The following OSBPL6 variants were observed in gnomAD, a reference collection of about 807,000 sequenced individuals.
OSBPL6 encodes oxysterol binding protein like 6, also known as oxysterol-binding protein-related protein 6.
OSBPL6 carries 49 observed loss-of-function variants against 125.8 expected under a neutral mutation model. That is an observed-to-expected ratio of 0.39 (90% CI 0.31 to 0.49). OSBPL6 has a LOEUF of 0.49. Among genes scored for constraint, OSBPL6 ranks in the 20% least tolerant of loss-of-function variants. The probability of loss-of-function intolerance (pLI) is 0.88; values close to 1 mark genes in which losing one functional copy is unlikely to be tolerated. For synonymous variants in OSBPL6, 394 were observed against 391.8 expected (o/e 1.01, Z -0.07); for missense variants, 986 against 1,135.4 (o/e 0.87, Z 1.89).
rs1057245299 is a variant in OSBPL6, at chr2:178,396,420, G to C, written c.*861G>C. 2.0e-5 allele frequency: 3 copies of C among 152,164 alleles called. No individual in the cohort carries two copies. The highest frequency in any genetic ancestry group is 4.4e-5 in the Non-Finnish European group (3 of 68,048). The allele number at this position is 152,164 out of a possible 1,614,324, so 9.4% of individuals were successfully genotyped here. ...TCCCTCTTCCACCTAACCTCACAGT[G>C]TGCCCTATTATTTGGAAAAATCTGT... is the stretch of plus-strand genomic sequence containing the variant. On this transcript the variant is annotated 3_prime_UTR_variant, in exon 25 of 25. Coordinates refer to ENST00000190611, the MANE Select transcript of OSBPL6 (RefSeq NM_032523.4).
At position 178,393,014 on chromosome 2, in the gene OSBPL6, C is replaced by A. The variant is rs144429692; in HGVS notation, c.2573+476C>A. Among the ~76,000 whole-genome samples, 106 of 152,224 alleles carry A rather than the reference C, an allele frequency of 7.0e-4. 2 individuals carry two copies. In the East Asian group the frequency reaches 0.018, roughly 25 times the overall value. On this transcript the variant is annotated intron_variant, in intron 23 of 24. Transcript: ENST00000190611. ...TTTCTATGCCAGGAAAAGCAGTATT[C>A]ATAGAATGATCATAACAGATTATCT...
intron 1 of OSBPL6, among the ~76,000 whole-genome samples, chr2:178,209,232 T>C (rs991172828): frequency 7.2e-5 from 11 of 152,122 alleles, no homozygotes; most frequent in Admixed American, 6.5e-4. Context: ...ATTATTTGGG[T>C]ATTAGACTTT....
intron 11 of OSBPL6, chr2:178,344,342 G>A (rs758980666): frequency 3.7e-6 from 6 of 1,614,084 alleles, no homozygotes; most frequent in Middle Eastern, 1.6e-4. Context: ...AGAGGCTAGC[G>A]GCAGCAGTGG....
chr2:178,238,465 C>A (rs948050593), intron 1 of OSBPL6, among the ~76,000 whole-genome samples: 1 of 151,954 alleles, frequency 6.6e-6, no homozygotes, highest in Non-Finnish European at 1.5e-5. Flanking sequence ...TTCAGATATG[C>A]CAAAGAGAAG....
chr2:178,355,052 C>A (rs1559285820), intron 12 of OSBPL6, among the ~76,000 whole-genome samples: 1 of 152,134 alleles, frequency 6.6e-6, no homozygotes, highest in East Asian at 1.9e-4. Flanking sequence ...AACAAAGACA[C>A]AACTTACCAG....
At chr2:178,291,572 A>G (rs971993224) in intron 2 of OSBPL6, among the ~76,000 whole-genome samples, 4 of 152,142 alleles carry the variant, frequency 2.6e-5, no homozygotes, top group Non-Finnish European at 5.9e-5. Context: ...TTGGTTTGTC[A>G]AGTGACCAAG....
chr2:178,280,591 T>C (rs1684059906), intron 1 of OSBPL6, among the ~76,000 whole-genome samples: 1 of 152,246 alleles, frequency 6.6e-6, no homozygotes, highest in Admixed American at 6.5e-5. Flanking sequence ...ACATTTCATA[T>C]GCATTGTGTG....
At chr2:178,306,773 C>A (rs1395523947) in intron 3 of OSBPL6, among the ~76,000 whole-genome samples, 1 of 152,162 alleles carries the variant, frequency 6.6e-6, no homozygotes, top group African/African-American at 2.4e-5. Context: ...TGTGAGAACC[C>A]AAACAATGTT....
intron 2 of OSBPL6, among the ~76,000 whole-genome samples, chr2:178,302,907 T>A (rs779068018): frequency 9.9e-5 from 15 of 152,222 alleles, no homozygotes; most frequent in Non-Finnish European, 1.9e-4. Context: ...GTTAGGTTGT[T>A]ACAACCTCAT....
rs1372890649 is a variant in OSBPL6, at chr2:178,400,953, G to T, written c.*5394G>T. 1 of 152,084 alleles carries T rather than the reference G, an allele frequency of 6.6e-6. No homozygotes were observed. The highest frequency in any genetic ancestry group is 1.5e-5 in the Non-Finnish European group (1 of 68,016). 9.4% of individuals were successfully genotyped at this position (152,084 alleles called of 1,614,324 possible). A position where few individuals can be genotyped will look rare whatever the true frequency, so the allele number is the denominator to read the frequency against. ...ATCCCATTAAGTCCTAGTTCTGGTA[G>T]CCCGGTACAAATTTTAGATTTTCCC... On this transcript the variant is annotated 3_prime_UTR_variant, in exon 25 of 25. Coordinates refer to ENST00000190611, the MANE Select transcript of OSBPL6 (RefSeq NM_032523.4).
chr2:178,296,264 T>C (rs1685740646), intron 2 of OSBPL6, among the ~76,000 whole-genome samples: 1 of 152,168 alleles, frequency 6.6e-6, no homozygotes, highest in African/African-American at 2.4e-5. Flanking sequence ...TGAGAACCTA[T>C]GTAGTAGATG....
At position 178,237,346 on chromosome 2, in the gene OSBPL6, T is replaced by TTTTTTG. The variant is rs113485227; in HGVS notation, c.-351+42676_-351+42677insTGTTTT. Among the ~76,000 whole-genome samples, 225 of 150,958 alleles carry TTTTTTG rather than the reference T, an allele frequency of 1.5e-3. 2 individuals carry two copies. Among genetic ancestry groups the TTTTTTG allele is most frequent in the African/African-American group, 5.3e-3 (219 of 41,024 alleles). On this transcript the variant is annotated intron_variant, in intron 1 of 24. Coordinates refer to ENST00000190611, the MANE Select transcript of OSBPL6 (RefSeq NM_032523.4). ...CAGATACATGTTTTCTCAATTTGTTTTTTTGTTTTGTTTTGTTTTTGTCTC... is the reference window on the plus strand; with the variant it reads ...CAGATACATGTTTTCTCAATTTGTTTTTTTTGTTTTGTTTTGTTTTGTTTTTGTCTC...
chr2:178,288,679 G>C (rs191740099), intron 2 of OSBPL6, among the ~76,000 whole-genome samples: 12 of 150,390 alleles, frequency 8.0e-5, no homozygotes, highest in Middle Eastern at 3.4e-3. Flanking sequence ...AGGGAGTTTC[G>C]CTCTTGTTGC....
In OSBPL6 at chr2:178,204,029, T is replaced by TC. The variant is rs1482465072; in HGVS notation, c.-351+9355_-351+9356insC. 2.8e-4 allele frequency among the ~76,000 whole-genome samples: 42 copies of TC among 149,678 alleles called. No homozygotes were observed. The South Asian group carries it at 3.0e-3, about 11-fold the overall frequency. On this transcript the variant is annotated intron_variant, in intron 1 of 24. Coordinates refer to ENST00000190611, the MANE Select transcript of OSBPL6 (RefSeq NM_032523.4). ...AATTCTTTTCTTTTTCTTTTTCTTT[T>TC]TTTTTTTTTTTTTTGAGACAATCTC...
intron 2 of OSBPL6, among the ~76,000 whole-genome samples, chr2:178,300,938 G>C (rs1382924162): frequency 6.6e-6 from 1 of 152,016 alleles, no homozygotes; most frequent in Non-Finnish European, 1.5e-5. Context: ...ACCAAGCAAA[G>C]CCATCAAGCA....
At chr2:178,207,176 C>T (rs912420867) in intron 1 of OSBPL6, among the ~76,000 whole-genome samples, 1 of 152,208 alleles carries the variant, frequency 6.6e-6, no homozygotes, top group African/African-American at 2.4e-5. Context: ...CCCATGGCTA[C>T]TGTAATAAAT....
In OSBPL6 at chr2:178,395,890, G is replaced by A. The variant is rs564129880; in HGVS notation, c.*331G>A. 8.2e-5 allele frequency: 34 copies of A among 415,550 alleles called. No homozygotes were observed. The highest frequency in any genetic ancestry group is 5.8e-4 in the South Asian group (32 of 55,426). The allele number at this position is 415,550 out of a possible 1,614,324, so 25.7% of individuals were successfully genotyped here. ...TGTAAAGAAAAACAAATGGTAACTG[G>A]TGCTTAAAGCTGATCAAGAAAGTTA... On this transcript the variant is annotated 3_prime_UTR_variant, in exon 25 of 25. Coordinates refer to ENST00000190611, the MANE Select transcript of OSBPL6 (RefSeq NM_032523.4).
intron 1 of OSBPL6, among the ~76,000 whole-genome samples, chr2:178,273,943 A>C (rs956986836): frequency 6.6e-6 from 1 of 152,116 alleles, no homozygotes; most frequent in African/African-American, 2.4e-5. Flanking sequence ...CAAACAAGAC[A>C]CCAGCTTGTT....
chr2:178,325,579 T>G (rs929741364), intron 4 of OSBPL6, among the ~76,000 whole-genome samples: 1 of 151,812 alleles, frequency 6.6e-6, no homozygotes. Flanking sequence ...TCTCTTATAG[T>G]TAGCTAAAGG....
Sources: allele counts gnomAD v4.1 joint callset (sites outside exome capture counted in the v4.1 genomes callset), GRCh38; gene constraint gnomAD v4.1.1; transcripts MANE v1.5; gene names NCBI Gene and HGNC (gene_info 2026-07-23, HGNC 2026-07-21).